POMT2: variants seen among roughly 807,000 people sequenced by gnomAD.
POMT2 encodes protein O-mannosyl-transferase 2.
In POMT2, 75 loss-of-function variants were observed where a neutral mutation model predicts 100.0. The observed-to-expected ratio is 0.75, with a 90% confidence interval of 0.62 to 0.91. The LOEUF is 0.91. Ranked by LOEUF, POMT2 falls within the 40% of genes least tolerant of loss-of-function variation. The pLI is 0.00. For missense variants in POMT2, 940 were observed against 955.1 expected (o/e 0.98, Z 0.21); for synonymous variants, 378 against 374.1 (o/e 1.01, Z -0.12).
chr14:77,278,877 C>T lies in POMT2; in HGVS notation c.1892-8G>A, dbSNP rs527842237. ...GCAGGACCTGGGACAACCCTGGGCC[C>T]AAGCAGCACAGCCCAGTCAGAAGAC... On this transcript the variant is annotated splice_polypyrimidine_tract_variant and splice_region_variant and intron_variant, in intron 18 of 20. Coordinates refer to ENST00000261534, the MANE Select transcript of POMT2 (RefSeq NM_013382.7). 1 of 1,612,554 alleles carries T rather than the reference C, an allele frequency of 6.2e-7. No individual in the cohort carries two copies. The highest frequency in any genetic ancestry group is 1.3e-5 in the African/African-American group (1 of 75,028).
intron 8 of POMT2, chr14:77,296,505 A>G: frequency 1.8e-6 from 1 of 566,378 alleles, no homozygotes; most frequent in Non-Finnish European, 3.2e-6. Flanking sequence ...AGCTTGTGTT[A>G]ACACTGTCAT....
At chr14:77,283,323 G>C (rs1187430246) in intron 15 of POMT2, among the ~76,000 whole-genome samples, 3 of 152,214 alleles carry the variant, frequency 2.0e-5, no homozygotes, top group African/African-American at 7.2e-5. Flanking sequence ...ATTTTCAGGG[G>C]CTCTGCCACT....
chr14:77,279,708 A>G (rs967082317), intron 18 of POMT2, 115 bp downstream of exon 18: 1 of 991,402 alleles, frequency 1.0e-6, no homozygotes, highest in Non-Finnish European at 1.5e-6. Flanking sequence ...GGATAAGGGA[A>G]GGTGTGGGGT....
intron 3 of POMT2, among the ~76,000 whole-genome samples, chr14:77,305,833 T>C (rs1392676340): frequency 6.6e-6 from 1 of 152,226 alleles, no homozygotes; most frequent in Non-Finnish European, 1.5e-5. Flanking sequence ...CAAATAAGGC[T>C]GGAAAACTCT....
chr14:77,286,922 A>G, intron 11 of POMT2, 100 bp from the exon 12 acceptor site: 9 of 1,578,860 alleles, frequency 5.7e-6, no homozygotes, highest in Non-Finnish European at 7.8e-6. Context: ...TCAGGATAAG[A>G]AAAATTAGAA....
intron 8 of POMT2, 100 bp downstream of exon 8, chr14:77,298,589 C>T (rs1408608735): frequency 7.7e-7 from 1 of 1,293,674 alleles, no homozygotes; most frequent in African/African-American, 1.5e-5. Context: ...CGTGCCATCA[C>T]AGGCTAAAAT....
At chr14:77,290,264 T>C (rs533790060) in intron 10 of POMT2, among the ~76,000 whole-genome samples, 3 of 152,322 alleles carry the variant, frequency 2.0e-5, no homozygotes, top group Non-Finnish European at 4.4e-5. Context: ...GAAGTAAAAC[T>C]GGTCTTCCCT....
intron 7 of POMT2, 82 bp downstream of exon 7, chr14:77,299,373 C>A: frequency 8.1e-7 from 1 of 1,241,246 alleles, no homozygotes; most frequent in East Asian, 2.3e-5. Context: ...AACCACAGAC[C>A]CAGAAAATCA....
intron 1 of POMT2, among the ~76,000 whole-genome samples, chr14:77,316,153 C>T (rs2046437068): frequency 1.3e-5 from 2 of 152,226 alleles, no homozygotes; most frequent in African/African-American, 4.8e-5. Flanking sequence ...TAGTTAACTA[C>T]TCAACACTTT....
intron 2 of POMT2, among the ~76,000 whole-genome samples, chr14:77,310,876 G>A (rs529207659): frequency 5.9e-5 from 9 of 152,252 alleles, no homozygotes; most frequent in Non-Finnish European, 1.3e-4. Context: ...TGGCTTGCCT[G>A]TAATCCCAAC....
At chr14:77,292,980 T>C (rs1187203330) in intron 9 of POMT2, among the ~76,000 whole-genome samples, 1 of 152,226 alleles carries the variant, frequency 6.6e-6, no homozygotes, top group Non-Finnish European at 1.5e-5. Flanking sequence ...CCCCGATGCA[T>C]GACTGTACTT....
chr14:77,284,053 C>T (rs905343704), intron 14 of POMT2, 180 bp from the exon 15 acceptor site: 6 of 661,908 alleles, frequency 9.1e-6, no homozygotes, highest in Non-Finnish European at 1.6e-5. Flanking sequence ...ATGAAGAACT[C>T]ATCAGGCATT....
intron 10 of POMT2, among the ~76,000 whole-genome samples, chr14:77,290,276 G>T (rs1312603642): frequency 6.6e-6 from 1 of 152,196 alleles, no homozygotes; most frequent in Non-Finnish European, 1.5e-5. Flanking sequence ...GTCTTCCCTC[G>T]TAACTCCTCA....
intron 13 of POMT2, 66 bp downstream of exon 13, chr14:77,285,415 T>G: frequency 3.8e-6 from 6 of 1,597,670 alleles, no homozygotes; most frequent in Non-Finnish European, 4.3e-6. Context: ...GCTTCTGGCA[T>G]ACTCCTTGTA....
intron 3 of POMT2, among the ~76,000 whole-genome samples, chr14:77,305,302 T>C (rs1594799479): frequency 6.6e-6 from 1 of 152,172 alleles, no homozygotes; most frequent in East Asian, 1.9e-4. Flanking sequence ...TATTTTGATT[T>C]TGGGAAAAGG....
rs1281781442 is a variant in POMT2 at position 77,285,622 on chromosome 14, CCT to C, written c.1341_1342del (p.Asp449LeufsTer3). 2.5e-6 allele frequency: 4 copies of C among 1,612,590 alleles called. No individual in the cohort carries two copies. Among genetic ancestry groups the C allele is most frequent in the Admixed American group, 3.3e-5 (2 of 59,996 alleles). ...AATCCGCCAGAAATCATTTGAGTCC[CCT>C]GTTCCATTCTGCCATAAAAGCCAAG... On this transcript the variant is annotated frameshift_variant, in exon 13 of 21. Transcript: ENST00000261534. LOFTEE classifies it high-confidence loss of function.
rs563863191 is a variant in POMT2 at position 77,320,437 on chromosome 14, A to T, written c.245T>A (p.Ile82Asn). The change falls in exon 1 of 21, where the codon ATC becomes AAC. Residue 82 changes from isoleucine to asparagine, a missense_variant. Physicochemically the swap from Ile to Asn is moderately radical, Grantham distance 149 (BLOSUM62 -3). Coordinates refer to ENST00000261534, the MANE Select transcript of POMT2 (RefSeq NM_013382.7). ...RFHRLDEPPH[I>N]CWDETHFGKM... ...CCGAGTCCCTCCCATCACTCACCAG[A>T]TGTGCGGCGGCTCGTCCAAGCGGTG... 7.1e-6 allele frequency: 11 copies of T among 1,546,504 alleles called. No homozygotes were observed. Among genetic ancestry groups the T allele is most frequent in the Admixed American group, 2.0e-5 (1 of 51,026 alleles).
rs549788097 is a variant in POMT2, at chr14:77,284,841, A to G, written c.1576+109T>C. The G allele has an allele frequency of 1.6e-4, 152 of 940,512 alleles. 2 individuals are homozygous for G. In the South Asian group the frequency reaches 2.1e-3, roughly 13 times the overall value. 58.3% of individuals were successfully genotyped at this position (940,512 alleles called of 1,614,324 possible). Reference sequence around the variant, plus strand: ...AAGAGAGTGTTAACAAGGAACAAACAGCAGCAAGTTGAAGGGATAGCACAG... The same window carrying G: ...AAGAGAGTGTTAACAAGGAACAAACGGCAGCAAGTTGAAGGGATAGCACAG... On this transcript the variant is annotated intron_variant, in intron 14 of 20. Coordinates refer to ENST00000261534, the MANE Select transcript of POMT2 (RefSeq NM_013382.7).
At chr14:77,308,684 A>C in intron 2 of POMT2, 1 of 418,958 alleles carries the variant, frequency 2.4e-6, no homozygotes, top group South Asian at 1.7e-5. Flanking sequence ...TGATCGTACC[A>C]GTGCTGGCAA....
Sources: gnomAD v4.1 joint callset for allele counts (sites outside exome capture counted in the v4.1 genomes callset) on GRCh38, gnomAD v4.1.1 for gene constraint, MANE v1.5 for transcripts, NCBI Gene and HGNC (gene_info 2026-07-23, HGNC 2026-07-21) for gene names.